The following RBFOX3 variants were observed in gnomAD, a reference collection of about 807,000 sequenced individuals.
RBFOX3 encodes RNA binding fox-1 homolog 3.
RBFOX3 carries 17 observed loss-of-function variants against 48.7 expected under a neutral mutation model. That is an observed-to-expected ratio of 0.35 (90% CI 0.24 to 0.52). The LOEUF is 0.52. RBFOX3 is among the 20% of genes least tolerant of loss of function. RBFOX3 has a pLI of 0.94. For missense variants in RBFOX3, 382 were observed against 497.5 expected (o/e 0.77, Z 2.21); for synonymous variants, 212 against 209.5 (o/e 1.01, Z -0.10).
chr17:79,503,453 A>G (rs2082640152), intron 1 of RBFOX3, among the ~76,000 whole-genome samples: 2 of 152,234 alleles, frequency 1.3e-5, no homozygotes, highest in Non-Finnish European at 2.9e-5. Context: ...TATTTAACGT[A>G]ATATATTCAC....
chr17:79,477,609 T>C lies in RBFOX3; in HGVS notation c.-175+4845A>G, dbSNP rs374264145. ...GGAAAAAAGGGTGAAACAGAAGCAA[T>C]GGAGTGGGGCCCCAGGTCCTTGTCT... On this transcript the variant is annotated intron_variant, in intron 2 of 14. Transcript: ENST00000693108. This position sits in a 1 kb window ranked among gnomAD's most constrained non-coding sequence, Gnocchi z 4.8. 0.013 allele frequency among the ~76,000 whole-genome samples: 2,025 copies of C among 150,268 alleles called. 48 individuals carry two copies. Among genetic ancestry groups the C allele is most frequent in the African/African-American group, 0.047 (1,941 of 40,876 alleles).
intron 2 of RBFOX3, among the ~76,000 whole-genome samples, chr17:79,449,000 C>A (rs1475906678): frequency 6.6e-6 from 1 of 152,048 alleles, no homozygotes; most frequent in African/African-American, 2.4e-5. Context: ...CCCTGTGGAC[C>A]CTCACGTCTG....
At chr17:79,188,951 G>C (rs1459652807) in intron 4 of RBFOX3, among the ~76,000 whole-genome samples, 1 of 152,216 alleles carries the variant, frequency 6.6e-6, no homozygotes, top group African/African-American at 2.4e-5. Flanking sequence ...ACAGATCTTT[G>C]GTCTTCAGTG....
At chr17:79,255,222 C>CGTGT (rs142604866) in intron 3 of RBFOX3, among the ~76,000 whole-genome samples, 12,241 of 147,416 alleles carry the variant, frequency 0.083, 588 homozygotes, top group South Asian at 0.19. Flanking sequence ...CACATGTGTG[C>CGTGT]GTGTGTGTGT....
chr17:79,586,955 A>G (rs1294468056), intron 1 of RBFOX3, among the ~76,000 whole-genome samples: 11 of 152,348 alleles, frequency 7.2e-5, no homozygotes, highest in African/African-American at 2.2e-4. Flanking sequence ...CAAATAAATG[A>G]AACTTATTTA....
the RBFOX3 span, among the ~76,000 whole-genome samples, chr17:79,619,275 C>T: frequency 6.6e-6 from 1 of 152,308 alleles, no homozygotes; most frequent in African/African-American, 2.4e-5. Context: ...AACAAAGTCC[C>T]ACAAAACCAG....
chr17:79,155,363 T>C (rs545575077), intron 4 of RBFOX3, among the ~76,000 whole-genome samples: 3 of 152,218 alleles, frequency 2.0e-5, no homozygotes, highest in East Asian at 1.9e-4. Context: ...ACAGTGGAGC[T>C]GGGCACTGCC....
At chr17:79,400,265 CT>C (rs1157514010) in intron 2 of RBFOX3, among the ~76,000 whole-genome samples, 1 of 152,168 alleles carries the variant, frequency 6.6e-6, no homozygotes, top group Non-Finnish European at 1.5e-5. Context: ...GGCCAAGCTC[CT>C]GCTGAGACTC....
the RBFOX3 span, among the ~76,000 whole-genome samples, chr17:79,654,028 C>G: frequency 3.9e-5 from 6 of 151,930 alleles, no homozygotes; most frequent in Admixed American, 2.0e-4. Flanking sequence ...AGAAATACTG[C>G]TCTTTTTTTT....
intron 2 of RBFOX3, among the ~76,000 whole-genome samples, chr17:79,326,404 C>T (rs1035570416): frequency 2.6e-5 from 4 of 152,204 alleles, no homozygotes; most frequent in Non-Finnish European, 5.9e-5. Flanking sequence ...TCTTCCTGGT[C>T]GCCCATGCAC....
At chr17:79,608,287 T>C (rs1265723294) in intron 1 of RBFOX3, among the ~76,000 whole-genome samples, 1 of 152,192 alleles carries the variant, frequency 6.6e-6, no homozygotes, top group Non-Finnish European at 1.5e-5. Context: ...CCGAGGTCAC[T>C]GGGTGCGGAG....
At chr17:79,653,539 G>A in the RBFOX3 span, among the ~76,000 whole-genome samples, 1 of 152,276 alleles carries the variant, frequency 6.6e-6, no homozygotes, top group South Asian at 2.1e-4. Context: ...GTGTAAGTGA[G>A]ATAAAAACCC....
At chr17:79,645,729 G>T in the RBFOX3 span, among the ~76,000 whole-genome samples, 1 of 152,296 alleles carries the variant, frequency 6.6e-6, no homozygotes, top group East Asian at 1.9e-4. Flanking sequence ...TTCACTTAAG[G>T]CACAGGGCTG....
chr17:79,621,420 G>C, the RBFOX3 span, among the ~76,000 whole-genome samples: 1 of 151,892 alleles, frequency 6.6e-6, no homozygotes, highest in Non-Finnish European at 1.5e-5. Context: ...ACGATACCCA[G>C]CGAGGGGGCC....
intron 2 of RBFOX3, among the ~76,000 whole-genome samples, chr17:79,398,686 G>A (rs527575262): frequency 5.1e-4 from 78 of 152,326 alleles, no homozygotes; most frequent in African/African-American, 1.8e-3. Flanking sequence ...CTGAGGCTGA[G>A]AGAGCGGAAT....
chr17:79,571,051 G>A (rs2092659865), intron 1 of RBFOX3, among the ~76,000 whole-genome samples: 1 of 152,128 alleles, frequency 6.6e-6, no homozygotes, highest in South Asian at 2.1e-4. Context: ...TAATCTATTA[G>A]GTAATTATTG....
At chr17:79,256,044 A>C (rs1176162955) in intron 3 of RBFOX3, among the ~76,000 whole-genome samples, 2 of 151,818 alleles carry the variant, frequency 1.3e-5, no homozygotes, top group African/African-American at 2.4e-5. Flanking sequence ...GCTGTCTTCC[A>C]TACCACCAAC....
chr17:79,258,016 C>T (rs146093408), intron 3 of RBFOX3, among the ~76,000 whole-genome samples: 9 of 152,330 alleles, frequency 5.9e-5, no homozygotes, highest in African/African-American at 2.2e-4. Flanking sequence ...CTTCTCTCCC[C>T]ACTGTCTCTC....
chr17:79,397,496 A>C (rs138474020), intron 2 of RBFOX3, among the ~76,000 whole-genome samples: 17,276 of 145,442 alleles, frequency 0.12, 1,305 homozygotes, highest in Non-Finnish European at 0.17. Flanking sequence ...CCATCCCCAA[A>C]AAAAAAAAAA....
Sources: allele counts gnomAD v4.1 joint callset (sites outside exome capture counted in the v4.1 genomes callset), GRCh38; gene constraint gnomAD v4.1.1; non-coding constraint Gnocchi (gnomAD v3.1); transcripts MANE v1.5; gene names NCBI Gene and HGNC (gene_info 2026-07-23, HGNC 2026-07-21).